Variants in WAC observed in about 807,000 individuals in gnomAD.
The protein encoded by WAC is WW domain containing adaptor with coiled-coil.
Under a neutral mutation model 79.6 loss-of-function variants are expected in WAC, and 11 were observed. The observed-to-expected ratio is 0.14, with a 90% CI of 0.09 to 0.23. The LOEUF (loss-of-function observed/expected upper bound fraction) is 0.23, where lower values mean the gene tolerates loss of function less well. WAC is among the 10% of genes least tolerant of loss of function. The pLI, the probability that WAC is intolerant of heterozygous loss-of-function variation, is 1.00. For missense variants in WAC, 728 were observed against 773.5 expected, an observed-to-expected ratio of 0.94 and a Z score of 0.70; for synonymous variants, 304 against 276.9, an observed-to-expected ratio of 1.10 and a Z score of -0.97.
rs554841767 is a variant in WAC at position 28,609,857 on chromosome 10, TGAA to T, written c.1166-838_1166-836del. Reference sequence around the variant, plus strand: ...CAACCCTGTCTCCAAAATAAATAGTTGAAGAAATAATAGTTAATGTCAATAATA... The same window carrying T: ...CAACCCTGTCTCCAAAATAAATAGTTGAAATAATAGTTAATGTCAATAATA... On this transcript the variant is annotated intron_variant, in intron 8 of 13. Transcript: ENST00000354911. Among the ~76,000 whole-genome samples, 53 of 151,978 alleles carry T rather than the reference TGAA, an allele frequency of 3.5e-4. No homozygotes were observed. The East Asian group carries it at 6.8e-3, about 19-fold the overall frequency.
chr10:28,556,771 C>T (rs951007643), intron 3 of WAC, among the ~76,000 whole-genome samples: 3 of 152,068 alleles, frequency 2.0e-5, no homozygotes, highest in Non-Finnish European at 1.5e-5. Flanking sequence ...TTTCATTCTT[C>T]TGCGTGCGGC....
intron 3 of WAC, among the ~76,000 whole-genome samples, chr10:28,555,660 T>C (rs915187041): frequency 1.3e-5 from 2 of 152,228 alleles, no homozygotes; most frequent in African/African-American, 4.8e-5. Flanking sequence ...GTTCCCTAAA[T>C]TTTTATTTCT....
intron 4 of WAC, 149 bp downstream of exon 4, chr10:28,583,654 T>C (rs1839657620): frequency 3.8e-6 from 2 of 531,286 alleles, no homozygotes; most frequent in Non-Finnish European, 6.3e-6. Context: ...TATTTGATAT[T>C]ATTATTATCC....
chr10:28,611,845 A>G lies in WAC; in HGVS notation c.1360A>G (p.Arg454Gly). 1 of 1,614,138 alleles carries G rather than the reference A, an allele frequency of 6.2e-7. No homozygotes were observed. Among genetic ancestry groups the G allele is most frequent in the South Asian group, 1.1e-5 (1 of 91,086 alleles). ...ATCCCCAAGATCATATGTTTCTCCA[A>G]GAATAAGCACACCTCAAACTAACAC... Reference protein sequence around the residue: ...ASSPRSYVSPRISTPQTNTVP... With the variant: ...ASSPRSYVSPGISTPQTNTVP... The change falls in exon 10 of 14, where the codon AGA (arginine) becomes GGA (glycine). Residue 454 changes from arginine (R) to glycine (G), a missense_variant. Physicochemically the swap from Arg to Gly is moderately radical, Grantham distance 125. Transcript: ENST00000354911.
At chr10:28,591,755 G>C (rs1299039489) in intron 6 of WAC, 1 of 144,474 alleles carries the variant, frequency 6.9e-6, no homozygotes, top group African/African-American at 2.5e-5. Flanking sequence ...GCTGAGGCAA[G>C]AAGATGACTT....
In WAC at chr10:28,621,011, T is replaced by G. The variant is rs1841666816; in HGVS notation, c.*1405T>G. ...CTACTATAAAATTACCTTGACTTTT[T>G]TTTTCCTTTGCTGAAATATTAGTCA... On this transcript the variant is annotated 3_prime_UTR_variant, in exon 14 of 14. Transcript: ENST00000354911. 1 of 152,142 alleles carries G rather than the reference T, an allele frequency of 6.6e-6. No individual in the cohort carries two copies. The allele number at this position is 152,142 out of a possible 1,614,324, so 9.4% of individuals were successfully genotyped here.
chr10:28,597,808 C>G (rs1203412655), intron 7 of WAC, among the ~76,000 whole-genome samples: 2 of 152,194 alleles, frequency 1.3e-5, no homozygotes, highest in Admixed American at 1.3e-4. Flanking sequence ...CTTAAACATT[C>G]TCACCCACCC....
Position 28,608,257 on chromosome 10 carries a change from A to G in WAC, c.991A>G (p.Asn331Asp). 1 of 1,614,130 alleles carries G rather than the reference A, an allele frequency of 6.2e-7. No homozygotes were observed. The highest frequency in any genetic ancestry group is 1.1e-5 in the South Asian group (1 of 91,080). ...TTCCACGTCTTCTGCCTCTGGACTG[A>G]ACCCCACATCTGCACCTCCAACATC... Reference protein sequence around the residue: ...TPSTSSASGLNPTSAPPTSAS... With the variant: ...TPSTSSASGLDPTSAPPTSAS... Residue 331 changes from asparagine to aspartate, a missense_variant, in exon 8 of 14, where the codon AAC becomes GAC. Transcript: ENST00000354911.
intron 3 of WAC, among the ~76,000 whole-genome samples, chr10:28,556,388 ATTTTTTTT>A (rs764934182): frequency 9.4e-4 from 52 of 55,090 alleles, no homozygotes; most frequent in Non-Finnish European, 1.2e-3. Context: ...TGCCCATTAA[ATTTTTTTT>A]TTTTTTTTTT....
chr10:28,548,267 T>G (rs144710319), intron 3 of WAC, among the ~76,000 whole-genome samples: 55 of 152,260 alleles, frequency 3.6e-4, no homozygotes, highest in African/African-American at 1.3e-3. Flanking sequence ...CCCTGAATGC[T>G]TAGTGCCTTT....
At chr10:28,606,007 C>T (rs1840922748) in intron 7 of WAC, among the ~76,000 whole-genome samples, 2 of 151,246 alleles carry the variant, frequency 1.3e-5, no homozygotes. Context: ...CTAATATGCT[C>T]TATAATTGAT....
chr10:28,568,947 T>A (rs188135016), intron 3 of WAC, among the ~76,000 whole-genome samples: 7 of 152,288 alleles, frequency 4.6e-5, no homozygotes, highest in African/African-American at 9.6e-5. Flanking sequence ...GTCCCTGTGA[T>A]TACATACAAT....
intron 3 of WAC, among the ~76,000 whole-genome samples, chr10:28,569,977 G>A (rs1269555591): frequency 6.6e-6 from 1 of 152,124 alleles, no homozygotes; most frequent in Non-Finnish European, 1.5e-5. Flanking sequence ...TGCACCTCTG[G>A]TTGTCTCAGC....
chr10:28,550,045 A>C (rs1837572055), intron 3 of WAC, among the ~76,000 whole-genome samples: 1 of 152,082 alleles, frequency 6.6e-6, no homozygotes, highest in African/African-American at 2.4e-5. Flanking sequence ...CAGCACCTGT[A>C]ATCCCAGCTA....
intron 3 of WAC, among the ~76,000 whole-genome samples, chr10:28,555,139 G>A (rs1275228160): frequency 2.0e-5 from 3 of 152,030 alleles, no homozygotes; most frequent in South Asian, 2.1e-4. Context: ...CTCCTTAACC[G>A]GTCTTTCTGC....
chr10:28,583,160 A>G (rs1040372480), intron 3 of WAC, among the ~76,000 whole-genome samples: 11 of 152,094 alleles, frequency 7.2e-5, no homozygotes, highest in Admixed American at 7.2e-4. Flanking sequence ...AGGTTGTTAT[A>G]TGCTGCTGTT....
Position 28,619,688 on chromosome 10 carries a change from A to G in WAC, c.*82A>G. On this transcript the variant is annotated 3_prime_UTR_variant, in exon 14 of 14. Transcript: ENST00000354911. ...TCTTAACATTTTTGAGCTGCATTTAAGTAGACTTTGGACCGTTAAGCTGGG... is the reference window on the plus strand; with the variant it reads ...TCTTAACATTTTTGAGCTGCATTTAGGTAGACTTTGGACCGTTAAGCTGGG... 1 of 1,243,452 alleles carries G rather than the reference A, an allele frequency of 8.0e-7. No individual in the cohort carries two copies. Among genetic ancestry groups the G allele is most frequent in the Non-Finnish European group, 1.1e-6 (1 of 906,570 alleles). The allele number at this position is 1,243,452 out of a possible 1,614,324, so 77.0% of individuals were successfully genotyped here.
chr10:28,563,830 G>A (rs903199918), intron 3 of WAC, among the ~76,000 whole-genome samples: 1 of 141,360 alleles, frequency 7.1e-6, no homozygotes, highest in African/African-American at 2.7e-5. Context: ...GTGATCTCCT[G>A]ACCTCGTGAT....
intron 6 of WAC, among the ~76,000 whole-genome samples, chr10:28,593,885 A>G (rs1460711090): frequency 6.6e-6 from 1 of 152,156 alleles, no homozygotes; most frequent in Admixed American, 6.5e-5. Flanking sequence ...CTATGTTTAG[A>G]GAAACCTTAC....
Sources: allele counts gnomAD v4.1 joint callset (sites outside exome capture counted in the v4.1 genomes callset), GRCh38; gene constraint gnomAD v4.1.1; transcripts MANE v1.5; gene names NCBI Gene and HGNC (gene_info 2026-07-23, HGNC 2026-07-21).